Variants in MICALL1 observed in about 807,000 individuals in gnomAD.
MICALL1 encodes MICAL like 1, also known as MICAL-like protein 1.
MICALL1 carries 61 observed loss-of-function variants against 83.7 expected under a neutral mutation model. The observed-to-expected ratio is 0.73, with a 90% CI of 0.59 to 0.90. The LOEUF (loss-of-function observed/expected upper bound fraction) is 0.90, where lower values mean the gene tolerates loss of function less well. Among genes scored for constraint, MICALL1 ranks in the 40% least tolerant of loss-of-function variants. The pLI is 0.00. For synonymous variants in MICALL1, 481 were observed against 473.6 expected, an observed-to-expected ratio of 1.02 and a Z score of -0.20; for missense variants, 1,066 against 1,152.0, an observed-to-expected ratio of 0.93 and a Z score of 1.08.
intron 13 of MICALL1, among the ~76,000 whole-genome samples, chr22:37,934,604 A>AT (rs886532167): frequency 6.9e-5 from 10 of 145,378 alleles, no homozygotes; most frequent in African/African-American, 1.3e-4. Context: ...TATTATTATT[A>AT]TTTTTTTTTT....
At chr22:37,916,224 C>G (rs1928668570) in intron 3 of MICALL1, among the ~76,000 whole-genome samples, 1 of 152,182 alleles carries the variant, frequency 6.6e-6, no homozygotes, top group Admixed American at 6.5e-5. Context: ...ACTCCCTCGC[C>G]CTGCAGGGAT....
rs528498813 is a variant in MICALL1 at position 37,937,151 on chromosome 22, C to G, written c.2380C>G (p.Gln794Glu). ...GCAGGAGCTTGTGACCCTCATTGAG[C>G]AGCGCAACGCTATCATCAACTGCCT... ...LMQELVTLIE[Q>E]RNAIINCLDE... The change falls in exon 14 of 16, where the codon CAG becomes GAG. Residue 794 changes from glutamine (Q) to glutamate (E), a missense_variant. Gln to Glu is a conservative substitution (Grantham distance 29, BLOSUM62 2). Coordinates refer to ENST00000215957, the MANE Select transcript of MICALL1 (RefSeq NM_033386.4). 6.4e-7 allele frequency: 1 copy of G among 1,551,248 alleles called. No homozygotes were observed. Among genetic ancestry groups the G allele is most frequent in the East Asian group, 2.4e-5 (1 of 40,862 alleles).
Position 37,906,580 on chromosome 22 carries a change from G to A in MICALL1, c.146+12G>A. ...CGGCCCGACCTGCTGTGAGTGCGGG[G>A]CCCCGGGCGAGCGGGCGGCGCGGGG... On this transcript the variant is annotated intron_variant, in intron 1 of 15. Coordinates refer to ENST00000215957, the MANE Select transcript of MICALL1 (RefSeq NM_033386.4). The surrounding 1 kb of genome is among the most constrained non-coding windows in gnomAD (Gnocchi z 4.4). The A allele has an allele frequency of 4.3e-6, 5 of 1,164,766 alleles. No individual in the cohort carries two copies. The highest frequency in any genetic ancestry group is 5.3e-6 in the Non-Finnish European group (5 of 939,594). The allele number at this position is 1,164,766 out of a possible 1,614,324, so 72.2% of individuals were successfully genotyped here. A position where few individuals can be genotyped will look rare whatever the true frequency, so the allele number is the denominator to read the frequency against.
chr22:37,911,013 G>A (rs1249853812), intron 1 of MICALL1, among the ~76,000 whole-genome samples: 4 of 152,218 alleles, frequency 2.6e-5, no homozygotes, highest in South Asian at 2.1e-4. Context: ...GGCTGCATGC[G>A]GATGCACCCA....
intron 1 of MICALL1, chr22:37,907,148 C>T (rs5750508): frequency 0.23 from 35,883 of 152,894 alleles, 5,448 homozygotes; most frequent in East Asian, 0.52. Flanking sequence ...GTGCTTTCCC[C>T]ACGCCCCCCA....
intron 13 of MICALL1, among the ~76,000 whole-genome samples, chr22:37,934,299 T>C (rs1929963735): frequency 6.6e-6 from 1 of 152,194 alleles, no homozygotes; most frequent in South Asian, 2.1e-4. Flanking sequence ...GCTGCCAGGT[T>C]CAAATACCAG....
chr22:37,916,198 G>A (rs929542515), intron 3 of MICALL1, among the ~76,000 whole-genome samples: 1 of 152,210 alleles, frequency 6.6e-6, no homozygotes, highest in African/African-American at 2.4e-5. Context: ...TTACCGTGCT[G>A]AGTGTGGGCA....
chr22:37,940,567 T>G, intron 15 of MICALL1, 142 bp from the exon 16 acceptor site: 1 of 955,694 alleles, frequency 1.0e-6, no homozygotes, highest in Non-Finnish European at 1.5e-6. Flanking sequence ...GAGTGTCTTG[T>G]CCCTCCCAGG....
In MICALL1 at chr22:37,927,456, C is replaced by T. The variant is rs1282774045; in HGVS notation, c.1511C>T (p.Thr504Ile). The T allele has an allele frequency of 5.6e-6, 9 of 1,603,714 alleles. No homozygotes were observed. In the Admixed American group the frequency reaches 8.4e-5, roughly 15 times the overall value. Residue 504 changes from threonine (T) to isoleucine (I), a missense_variant, in exon 9 of 16, where the codon ACA (threonine) becomes ATA (isoleucine). Transcript: ENST00000215957. ...RLSHSEPPSATPSPALSVESL... is the reference protein window; with the variant it reads ...RLSHSEPPSAIPSPALSVESL... ...TCGCACTCGGAGCCGCCCTCGGCCACACCATCGCCAGCGCTCAGCGTGGAG... is the reference window on the plus strand; with the variant it reads ...TCGCACTCGGAGCCGCCCTCGGCCATACCATCGCCAGCGCTCAGCGTGGAG...
At position 37,930,584 on chromosome 22, in the gene MICALL1, G is replaced by A. The variant is rs1373800890; in HGVS notation, c.1882-1215G>A. On this transcript the variant is annotated intron_variant, in intron 9 of 15. Coordinates refer to ENST00000215957, the MANE Select transcript of MICALL1 (RefSeq NM_033386.4). This position sits in a 1 kb window ranked among gnomAD's most constrained non-coding sequence, Gnocchi z 4.8. ...GCCTCTGTAAGGGGCTCGCAGTGAC[G>A]TCTGTTTCCAATGAGCTGGGAAGAG... Among the ~76,000 whole-genome samples the A allele has an allele frequency of 2.0e-5, 3 of 152,246 alleles. No homozygotes were observed. Among genetic ancestry groups the A allele is most frequent in the South Asian group, 2.1e-4 (1 of 4,834 alleles).
In MICALL1 at chr22:37,921,225, G is replaced by T. The variant is rs1929010897; in HGVS notation, c.570-747G>T. ...TAAGAGTTTCACAAAGCACTATTTG[G>T]CCTTTCTTGTATGATACTGTCTTAT... On this transcript the variant is annotated intron_variant, in intron 5 of 15. Coordinates refer to ENST00000215957, the MANE Select transcript of MICALL1 (RefSeq NM_033386.4). 3.9e-5 allele frequency among the ~76,000 whole-genome samples: 6 copies of T among 152,262 alleles called. No individual in the cohort carries two copies. In the South Asian group the frequency reaches 1.2e-3, roughly 32 times the overall value.
chr22:37,910,669 A>G (rs533554582), intron 1 of MICALL1, among the ~76,000 whole-genome samples: 10 of 152,040 alleles, frequency 6.6e-5, no homozygotes, highest in Non-Finnish European at 1.5e-4. Flanking sequence ...GACCCCTTCC[A>G]AGGTCCTCAA....
At chr22:37,914,615 GCACACA>G (rs750415790) in intron 3 of MICALL1, among the ~76,000 whole-genome samples, 27 of 149,750 alleles carry the variant, frequency 1.8e-4, no homozygotes, top group African/African-American at 6.1e-4. Flanking sequence ...ATGCGTGCGC[GCACACA>G]CACACACACG....
At chr22:37,916,585 C>T (rs964976371) in intron 3 of MICALL1, among the ~76,000 whole-genome samples, 1 of 152,156 alleles carries the variant, frequency 6.6e-6, no homozygotes. Flanking sequence ...TTGGAGCCTG[C>T]CCCTGGCTGA....
At chr22:37,922,791 T>A (rs1307565329) in intron 6 of MICALL1, among the ~76,000 whole-genome samples, 1 of 138,808 alleles carries the variant, frequency 7.2e-6, no homozygotes, top group Non-Finnish European at 1.5e-5. Flanking sequence ...GTTTTGTTTT[T>A]TTTTGTTTTT....
chr22:37,919,016 C>A lies in MICALL1; in HGVS notation c.427-20C>A, dbSNP rs1054455820. ...GTGACCATGTCCTGCTCCCAACCTC[C>A]CCCACCTCGTTCTCTGCAGGGCGAG... On this transcript the variant is annotated intron_variant, in intron 4 of 15. Transcript: ENST00000215957. The A allele has an allele frequency of 2.8e-5, 43 of 1,534,362 alleles. No individual in the cohort carries two copies. Among genetic ancestry groups the A allele is most frequent in the Non-Finnish European group, 3.6e-5 (41 of 1,134,952 alleles).
Position 37,921,999 on chromosome 22 carries a change from C to T in MICALL1, c.597C>T (p.Leu199=). 2 of 1,597,680 alleles carry T rather than the reference C, an allele frequency of 1.3e-6. No homozygotes were observed. Among genetic ancestry groups the T allele is most frequent in the African/African-American group, 1.3e-5 (1 of 74,800 alleles). The change falls in exon 6 of 16, where the codon CTC becomes CTT. Residue 199 remains leucine, a synonymous_variant. Coordinates refer to ENST00000215957, the MANE Select transcript of MICALL1 (RefSeq NM_033386.4). Reference sequence around the variant, plus strand: ...GTCGGCGGTGCTCCAGCACCCTGCTCCCTGGGGCTTATGAGAATGGGCCTG... The same window carrying T: ...GTCGGCGGTGCTCCAGCACCCTGCTTCCTGGGGCTTATGAGAATGGGCCTG... ...FRCRRCSSTL[L]PGAYENGPEE...
rs1184026260 is a variant in MICALL1 at position 37,906,322 on chromosome 22, GAGCCGC to G, written c.-89_-84del. 3 of 893,116 alleles carry G rather than the reference GAGCCGC, an allele frequency of 3.4e-6. No individual in the cohort carries two copies. The highest frequency in any genetic ancestry group is 1.8e-5 in the African/African-American group (1 of 54,814). The allele number at this position is 893,116 out of a possible 1,614,324, so 55.3% of individuals were successfully genotyped here. The stretch of plus-strand genomic sequence containing the variant: ...GCCTGCCGGTCGGCGCCCGAGCTCG[GAGCCGC>G]AGCCGCAGCCGGAAACCGGGCCCGC... On this transcript the variant is annotated 5_prime_UTR_variant, in exon 1 of 16. Coordinates refer to ENST00000215957, the MANE Select transcript of MICALL1 (RefSeq NM_033386.4). The surrounding 1 kb of genome is among the most constrained non-coding windows in gnomAD (Gnocchi z 4.4).
At position 37,917,767 on chromosome 22, in the gene MICALL1, C is replaced by T. The variant is rs375508416; in HGVS notation, c.398C>T (p.Thr133Ile). The T allele has an allele frequency of 1.9e-6, 3 of 1,613,866 alleles. No homozygotes were observed. Among genetic ancestry groups the T allele is most frequent in the Non-Finnish European group, 2.5e-6 (3 of 1,179,926 alleles). Reference sequence around the variant, plus strand: ...TGTTCCCCGCCGTCTGTAGCACCCACTCCAGTGGAACCAGAAGATGTGGCT... The same window carrying T: ...TGTTCCCCGCCGTCTGTAGCACCCATTCCAGTGGAACCAGAAGATGTGGCT... ...APCSPPSVAP[T>I]PVEPEDVAQG... is the part of the protein sequence containing the mutation. The change falls in exon 4 of 16, where the codon ACT becomes ATT. Residue 133 changes from threonine to isoleucine, a missense_variant. Physicochemically the swap from Thr to Ile is moderately conservative, Grantham distance 89. Transcript: ENST00000215957.
Sources: gnomAD v4.1 joint callset for allele counts (sites outside exome capture counted in the v4.1 genomes callset) on GRCh38, gnomAD v4.1.1 for gene constraint, Gnocchi (gnomAD v3.1) non-coding constraint, MANE v1.5 for transcripts, NCBI Gene and HGNC (gene_info 2026-07-23, HGNC 2026-07-21) for gene names.